The following SNTG2 variants were observed in gnomAD, a reference collection of about 807,000 sequenced individuals.
SNTG2 encodes the protein gamma-2-syntrophin.
SNTG2 carries 74 observed loss-of-function variants against 70.9 expected under a neutral mutation model. The observed-to-expected ratio is 1.04, with a 90% CI of 0.86 to 1.27. The LOEUF is 1.27. SNTG2 is among the 50% of genes most tolerant of loss of function. The pLI is 0.00. For synonymous variants in SNTG2, 278 were observed against 273.8 expected (o/e 1.02, Z -0.15); for missense variants, 717 against 690.7 (o/e 1.04, Z -0.43).
intron 16 of SNTG2, among the ~76,000 whole-genome samples, chr2:1,359,252 T>C (rs979467051): frequency 2.0e-5 from 3 of 152,128 alleles, no homozygotes; most frequent in Non-Finnish European, 4.4e-5. Flanking sequence ...AAATCAAAGG[T>C]GTCAGGTGTG....
chr2:1,167,048 A>G (rs983149601), intron 7 of SNTG2, among the ~76,000 whole-genome samples: 5 of 152,240 alleles, frequency 3.3e-5, no homozygotes, highest in Non-Finnish European at 7.3e-5. Context: ...TTCTTCTGGT[A>G]TGCTAAGGCA....
At chr2:1,212,289 G>A (rs1674097718) in intron 9 of SNTG2, among the ~76,000 whole-genome samples, 1 of 152,094 alleles carries the variant, frequency 6.6e-6, no homozygotes, top group Admixed American at 6.5e-5. Flanking sequence ...TCTTGCTCCT[G>A]CTCCTACCAT....
intron 8 of SNTG2, among the ~76,000 whole-genome samples, chr2:1,184,717 C>A (rs1020329493): frequency 9.2e-5 from 14 of 152,174 alleles, no homozygotes; most frequent in Admixed American, 2.6e-4. Context: ...AATCTGCCCC[C>A]ACGATTCAAT....
In SNTG2 at chr2:968,444, A is replaced by G. The variant is rs1268938411; in HGVS notation, c.72+17376A>G. ...TTTCAAAGGATACATTTTAAATCTC[A>G]TTTATTTTTTATTTTGGCCTTTTTG... On this transcript the variant is annotated intron_variant, in intron 1 of 16. Transcript: ENST00000308624. Among the ~76,000 whole-genome samples, 6 of 151,902 alleles carry G rather than the reference A, an allele frequency of 3.9e-5. No individual in the cohort carries two copies. In the East Asian group the frequency reaches 1.2e-3, roughly 29 times the overall value.
At position 1,098,211 on chromosome 2, in the gene SNTG2, C is replaced by A; in HGVS notation, c.226C>A (p.Leu76Ile). 6.2e-7 allele frequency: 1 copy of A among 1,614,054 alleles called. No individual in the cohort carries two copies. The highest frequency in any genetic ancestry group is 8.5e-7 in the Non-Finnish European group (1 of 1,179,908). The change falls in exon 3 of 17, where the codon CTC becomes ATC. Residue 76 changes from leucine (L) to isoleucine (I), a missense_variant. Leu to Ile is a conservative substitution (Grantham distance 5). Transcript: ENST00000308624. ...HQGRNRRTVT[L>I]RRQPVGGLGL... ...TGTTTTAAAGCGCAGAACTGTTACA[C>A]TCCGCAGACAGCCAGTTGGCGGCTT... is the stretch of plus-strand genomic sequence containing the variant.
chr2:1,177,685 A>G (rs971130036), intron 8 of SNTG2, among the ~76,000 whole-genome samples: 1 of 145,862 alleles, frequency 6.9e-6, no homozygotes, highest in Non-Finnish European at 1.5e-5. Context: ...AAAAAATAAT[A>G]TATTTTCTGA....
chr2:1,224,795 C>T (rs1008009405), intron 9 of SNTG2, among the ~76,000 whole-genome samples: 2 of 152,202 alleles, frequency 1.3e-5, no homozygotes, highest in African/African-American at 2.4e-5. Flanking sequence ...GGGCTCGCCT[C>T]ACTCTATGGC....
At chr2:1,171,239 T>A (rs1671105922) in intron 7 of SNTG2, among the ~76,000 whole-genome samples, 1 of 152,204 alleles carries the variant, frequency 6.6e-6, no homozygotes, top group African/African-American at 2.4e-5. Flanking sequence ...TACCTATTCA[T>A]CAGAAATAAA....
chr2:1,234,521 G>A (rs772711267), intron 9 of SNTG2, among the ~76,000 whole-genome samples: 6 of 152,150 alleles, frequency 3.9e-5, no homozygotes, highest in East Asian at 1.9e-4. Flanking sequence ...TTTGTGGTAC[G>A]GTTGGCATTT....
At chr2:1,255,885 A>AATATATATATAAATATATATATAAAT (rs1305282798) in intron 12 of SNTG2, among the ~76,000 whole-genome samples, 12 of 90,448 alleles carry the variant, frequency 1.3e-4, no homozygotes, top group African/African-American at 3.7e-4. Flanking sequence ...TATATATATA[A>AATATATATATAAATATATATATAAAT]ATATATATAA....
In SNTG2 at chr2:1,089,149, A is replaced by G. The variant is rs867984869; in HGVS notation, c.210+5494A>G. ...AACAAAATGCAGTCGTCAGCAAAACATCTAGAATTTATCTGTCATCACTTG... is the reference window on the plus strand; with the variant it reads ...AACAAAATGCAGTCGTCAGCAAAACGTCTAGAATTTATCTGTCATCACTTG... On this transcript the variant is annotated intron_variant, in intron 2 of 16. Coordinates refer to ENST00000308624, the MANE Select transcript of SNTG2 (RefSeq NM_018968.4). Among the ~76,000 whole-genome samples, 6 of 152,326 alleles carry G rather than the reference A, an allele frequency of 3.9e-5. 1 individual carries two copies. Among genetic ancestry groups the G allele is most frequent in the Middle Eastern group, 3.4e-3 (1 of 294 alleles).
At chr2:1,275,451 A>G (rs924760320) in intron 14 of SNTG2, among the ~76,000 whole-genome samples, 9 of 152,166 alleles carry the variant, frequency 5.9e-5, no homozygotes, top group East Asian at 1.9e-4. Flanking sequence ...TTTCATTATC[A>G]CTATATCTGT....
At chr2:1,356,413 G>A in intron 16 of SNTG2, among the ~76,000 whole-genome samples, 1 of 152,196 alleles carries the variant, frequency 6.6e-6, no homozygotes, top group East Asian at 1.9e-4. Context: ...TGAATATCCA[G>A]TTTTCACAGC....
intron 1 of SNTG2, among the ~76,000 whole-genome samples, chr2:979,783 T>A (rs570582593): frequency 1.3e-5 from 2 of 152,306 alleles, no homozygotes; most frequent in South Asian, 4.1e-4. Flanking sequence ...TTTTAAGATC[T>A]TTTAACTCTT....
At chr2:1,280,011 A>C (rs889030648) in intron 14 of SNTG2, among the ~76,000 whole-genome samples, 23 of 152,350 alleles carry the variant, frequency 1.5e-4, no homozygotes, top group South Asian at 1.0e-3. Context: ...ATTGATGTTT[A>C]TAAAGCACTT....
At chr2:1,019,846 T>G (rs1430786382) in intron 1 of SNTG2, among the ~76,000 whole-genome samples, 2 of 151,934 alleles carry the variant, frequency 1.3e-5, no homozygotes, top group Non-Finnish European at 2.9e-5. Context: ...GTCAGGAGAC[T>G]AGTGTGGCCA....
intron 2 of SNTG2, 149 bp from the exon 3 acceptor site, chr2:1,098,047 A>T: frequency 1.3e-6 from 1 of 789,810 alleles, no homozygotes; most frequent in Admixed American, 2.2e-5. Flanking sequence ...AAGATTTGAA[A>T]TAGTGTCATT....
At chr2:951,569 G>A (rs1253913813) in intron 1 of SNTG2, among the ~76,000 whole-genome samples, 1 of 152,200 alleles carries the variant, frequency 6.6e-6, no homozygotes, top group African/African-American at 2.4e-5. Flanking sequence ...AGGCCATTCG[G>A]GGAACCGCTG....
chr2:1,238,881 C>T, intron 10 of SNTG2, among the ~76,000 whole-genome samples: 1 of 152,362 alleles, frequency 6.6e-6, no homozygotes, highest in East Asian at 1.9e-4. Context: ...TGCCCCTGCC[C>T]TGCCCACCAC....
Sources: allele counts gnomAD v4.1 joint callset (sites outside exome capture counted in the v4.1 genomes callset), GRCh38; gene constraint gnomAD v4.1.1; transcripts MANE v1.5; gene names NCBI Gene and HGNC (gene_info 2026-07-23, HGNC 2026-07-21).